Variants in CACNA2D3 observed in about 807,000 individuals in gnomAD.
CACNA2D3 encodes the protein calcium voltage-gated channel auxiliary subunit alpha2delta 3.
CACNA2D3 carries 60 observed loss-of-function variants against 160.6 expected under a neutral mutation model. The ratio of observed to expected loss-of-function variants is 0.37; its 90% CI spans 0.30 to 0.46. CACNA2D3 has a LOEUF of 0.46. Ranked by LOEUF, CACNA2D3 falls within the 20% of genes least tolerant of loss-of-function variation. The pLI, the probability that CACNA2D3 is intolerant of heterozygous loss-of-function variation, is 1.00. For missense variants in CACNA2D3, 1,205 were observed against 1,365.0 expected (o/e 0.88, Z 1.85); for synonymous variants, 558 against 492.9 (o/e 1.13, Z -1.75).
chr3:54,132,858 A>G (rs1285377881), intron 2 of CACNA2D3, among the ~76,000 whole-genome samples: 1 of 152,156 alleles, frequency 6.6e-6, no homozygotes, highest in East Asian at 1.9e-4. Flanking sequence ...GCTGAGCCTC[A>G]GTGTTCGCAC....
intron 11 of CACNA2D3, among the ~76,000 whole-genome samples, chr3:54,730,015 A>G (rs1163712380): frequency 6.6e-6 from 1 of 151,592 alleles, no homozygotes; most frequent in Admixed American, 6.6e-5. Flanking sequence ...AAAAAAAAAA[A>G]AAAAAATTAG....
In CACNA2D3 at chr3:54,458,237, T is replaced by TA. The variant is rs975358311; in HGVS notation, c.382-45254dup. Among the ~76,000 whole-genome samples, 10 of 152,152 alleles carry TA rather than the reference T, an allele frequency of 6.6e-5. 1 individual carries two copies. Among genetic ancestry groups the TA allele is most frequent in the Admixed American group, 6.6e-4 (10 of 15,258 alleles). On this transcript the variant is annotated intron_variant, in intron 4 of 37. Transcript: ENST00000474759. ...ATGTTTGATTCTTTTCTCTTACTTC[T>TA]ATGTGTATTTGCTCCACCAGTGAAT...
intron 9 of CACNA2D3, among the ~76,000 whole-genome samples, chr3:54,614,381 T>C (rs2106793409): frequency 6.6e-6 from 1 of 152,332 alleles, no homozygotes; most frequent in Middle Eastern, 3.4e-3. Flanking sequence ...AATGCCAATC[T>C]TTCCCTCACC....
chr3:54,137,180 G>A (rs1699829555), intron 2 of CACNA2D3, among the ~76,000 whole-genome samples: 1 of 152,220 alleles, frequency 6.6e-6, no homozygotes, highest in South Asian at 2.1e-4. Flanking sequence ...TTCTCAATGT[G>A]GGCGGCATGA....
intron 9 of CACNA2D3, among the ~76,000 whole-genome samples, chr3:54,591,277 T>G (rs571002986): frequency 3.4e-4 from 52 of 152,288 alleles, no homozygotes; most frequent in African/African-American, 1.2e-3. Context: ...CCCAGCTATC[T>G]CCTCTAGGTG....
At chr3:54,514,995 A>C (rs1701524652) in intron 5 of CACNA2D3, among the ~76,000 whole-genome samples, 1 of 152,162 alleles carries the variant, frequency 6.6e-6, no homozygotes, top group African/African-American at 2.4e-5. Context: ...GCTTTTCCCT[A>C]AGTTACTTGA....
chr3:55,073,607 G>A (rs750064181), intron 36 of CACNA2D3, 50 bp downstream of exon 36: 28 of 1,445,872 alleles, frequency 1.9e-5, no homozygotes, highest in Non-Finnish European at 2.3e-5. Context: ...CCAGTAAGGG[G>A]TATCAGTGGT....
At chr3:54,316,098 C>T (rs900116853) in intron 2 of CACNA2D3, among the ~76,000 whole-genome samples, 3 of 149,120 alleles carry the variant, frequency 2.0e-5, no homozygotes, top group South Asian at 2.2e-4. Flanking sequence ...TGTGTGTGCA[C>T]GTGTGTGTGA....
chr3:54,592,546 T>C (rs1334774698), intron 9 of CACNA2D3, among the ~76,000 whole-genome samples: 2 of 152,130 alleles, frequency 1.3e-5, no homozygotes, highest in South Asian at 2.1e-4. Context: ...CTCATCCTAA[T>C]CTACTACAGA....
chr3:54,731,627 A>C (rs1323633709), intron 11 of CACNA2D3, among the ~76,000 whole-genome samples: 1 of 152,140 alleles, frequency 6.6e-6, no homozygotes, highest in East Asian at 1.9e-4. Flanking sequence ...TGAAAGTAAT[A>C]GTGAAGGATT....
chr3:54,880,849 T>C lies in CACNA2D3; in HGVS notation c.1898T>C (p.Val633Ala), dbSNP rs768043003. ...GHGKYFFRGN[V>A]TIEEGLHDLE... ...GGGAAATATTTCTTCCGAGGGAATG[T>C]AACCATCGAAGAAGGTAAGATACTG... The change falls in exon 21 of 38, where the codon GTA (valine) becomes GCA (alanine). Residue 633 changes from valine (V) to alanine (A), a missense_variant. Coordinates refer to ENST00000474759, the MANE Select transcript of CACNA2D3 (RefSeq NM_018398.3). 1 of 1,613,664 alleles carries C rather than the reference T, an allele frequency of 6.2e-7. No individual in the cohort carries two copies.
At position 54,352,612 on chromosome 3, in the gene CACNA2D3, C is replaced by G. The variant is rs535840881; in HGVS notation, c.321+32054C>G. The stretch of plus-strand genomic sequence containing the variant: ...ATCGGATCAGGCACTTCTGGTCCCC[C>G]AGGGAGCAGTAGAGCCCATGCTGGA... On this transcript the variant is annotated intron_variant, in intron 3 of 37. Coordinates refer to ENST00000474759, the MANE Select transcript of CACNA2D3 (RefSeq NM_018398.3). 3.9e-5 allele frequency among the ~76,000 whole-genome samples: 6 copies of G among 152,292 alleles called. No individual in the cohort carries two copies. The East Asian group carries it at 1.2e-3, about 29-fold the overall frequency.
intron 14 of CACNA2D3, among the ~76,000 whole-genome samples, chr3:54,830,836 A>T (rs1055841694): frequency 7.2e-5 from 11 of 151,946 alleles, no homozygotes; most frequent in African/African-American, 2.4e-4. Flanking sequence ...GTCGTCCAGG[A>T]CCTCGTGCCT....
chr3:54,672,775 G>A (rs1407486099), intron 11 of CACNA2D3, among the ~76,000 whole-genome samples: 1 of 152,174 alleles, frequency 6.6e-6, no homozygotes, highest in Non-Finnish European at 1.5e-5. Context: ...AGTTAGGAAT[G>A]GTCGTGTTCA....
intron 3 of CACNA2D3, among the ~76,000 whole-genome samples, chr3:54,350,851 C>CT (rs1698539560): frequency 6.6e-6 from 1 of 152,018 alleles, no homozygotes; most frequent in Non-Finnish European, 1.5e-5. Flanking sequence ...GTGGCCCTGT[C>CT]TCACGGCTTT....
intron 10 of CACNA2D3, chr3:54,632,417 C>T (rs185205772): frequency 4.6e-5 from 7 of 152,132 alleles, no homozygotes; most frequent in Admixed American, 3.9e-4. Flanking sequence ...GCATAGATTA[C>T]TTTTATGCAT....
intron 35 of CACNA2D3, among the ~76,000 whole-genome samples, chr3:55,068,797 C>T (rs1350059480): frequency 6.6e-6 from 1 of 152,044 alleles, no homozygotes; most frequent in African/African-American, 2.4e-5. Context: ...TTCTTTCTTA[C>T]AGTGAACGTT....
intron 2 of CACNA2D3, among the ~76,000 whole-genome samples, chr3:54,184,525 A>G (rs752170684): frequency 2.6e-5 from 4 of 152,168 alleles, no homozygotes; most frequent in Non-Finnish European, 5.9e-5. Flanking sequence ...AGAAAAGGAC[A>G]TTTGTCTCCC....
chr3:54,931,872 A>G (rs1220773091), intron 27 of CACNA2D3, among the ~76,000 whole-genome samples: 5 of 152,168 alleles, frequency 3.3e-5, no homozygotes, highest in East Asian at 1.9e-4. Flanking sequence ...CTCCCAGGCA[A>G]TATTACACAG....
Sources: gnomAD v4.1 joint callset for allele counts (sites outside exome capture counted in the v4.1 genomes callset) on GRCh38, gnomAD v4.1.1 for gene constraint, MANE v1.5 for transcripts, NCBI Gene and HGNC (gene_info 2026-07-23, HGNC 2026-07-21) for gene names.